PDXDC1: variants seen among roughly 807,000 people sequenced by gnomAD.
PDXDC1 encodes the protein pyridoxal dependent decarboxylase domain containing 1.
PDXDC1 carries 42 observed loss-of-function variants against 100.1 expected under a neutral mutation model. The ratio of observed to expected loss-of-function variants is 0.42; its 90% CI spans 0.33 to 0.54. The LOEUF is 0.54. PDXDC1 is among the 20% of genes least tolerant of loss of function. The pLI is 0.10. For missense variants in PDXDC1, 636 were observed against 979.2 expected (o/e 0.65, Z 4.68); for synonymous variants, 260 against 371.7 (o/e 0.70, Z 3.46).
At chr16:15,127,549 G>A (rs548957239) in intron 16 of PDXDC1, 13 of 1,316,948 alleles carry the variant, frequency 9.9e-6, no homozygotes, top group Non-Finnish European at 1.3e-5. Flanking sequence ...CAGGCCAACA[G>A]CGACTGTGTC....
intron 1 of PDXDC1, among the ~76,000 whole-genome samples, chr16:14,986,536 A>C (rs1232629777): frequency 6.6e-6 from 1 of 152,296 alleles, no homozygotes; most frequent in Non-Finnish European, 1.5e-5. Flanking sequence ...AGGAGAATTA[A>C]ATCATACCTA....
intron 16 of PDXDC1, chr16:15,076,326 G>C (rs904330370): frequency 1.2e-5 from 7 of 597,070 alleles, no homozygotes; most frequent in East Asian, 2.7e-5. Context: ...AAAGTTACAA[G>C]AACAAAAGTG....
At chr16:15,047,694 C>T in intron 16 of PDXDC1, 1 of 893,118 alleles carries the variant, frequency 1.1e-6, no homozygotes, top group Non-Finnish European at 1.9e-6. Flanking sequence ...CCCCAGCCAA[C>T]CCATTCTGAC....
intron 16 of PDXDC1, chr16:15,093,803 C>G: frequency 8.5e-6 from 3 of 354,160 alleles, no homozygotes; most frequent in Non-Finnish European, 1.5e-5. Flanking sequence ...CGGCTGATAA[C>G]CCACATAGCC....
At chr16:15,110,098 T>C (rs548127448) in intron 16 of PDXDC1, among the ~76,000 whole-genome samples, 1 of 149,280 alleles carries the variant, frequency 6.7e-6, no homozygotes, top group Admixed American at 6.7e-5. Context: ...TGAGCTGAGA[T>C]TGTGCCATTG....
At chr16:15,059,959 A>G (rs1451085750) in intron 16 of PDXDC1, 4 of 186,192 alleles carry the variant, frequency 2.1e-5, no homozygotes, top group Non-Finnish European at 3.4e-5. Context: ...GCAATGCCTC[A>G]GGAGTTTTCC....
At chr16:15,063,704 CAAAAAAAAAA>C (rs10664930) in intron 16 of PDXDC1, among the ~76,000 whole-genome samples, 1 of 89,130 alleles carries the variant, frequency 1.1e-5, no homozygotes, top group African/African-American at 5.1e-5. Context: ...GACTCTGTCT[CAAAAAAAAAA>C]AAAAAAAAGA....
chr16:14,991,153 A>C (rs1970693112), intron 1 of PDXDC1, among the ~76,000 whole-genome samples: 2 of 152,268 alleles, frequency 1.3e-5, no homozygotes, highest in Admixed American at 1.3e-4. Flanking sequence ...CCTGCCTTTC[A>C]GTTTAAGCAT....
At chr16:15,073,416 G>A (rs1259239705) in intron 16 of PDXDC1, among the ~76,000 whole-genome samples, 3 of 152,018 alleles carry the variant, frequency 2.0e-5, no homozygotes, top group African/African-American at 4.8e-5. Flanking sequence ...ATGTTTGTGC[G>A]ACTGCATTCC....
intron 5 of PDXDC1, among the ~76,000 whole-genome samples, chr16:15,005,396 T>G (rs1269266460): frequency 1.3e-5 from 2 of 152,250 alleles, no homozygotes; most frequent in Non-Finnish European, 2.9e-5. Context: ...ATCCTGGCAG[T>G]ACTAAGGAAT....
At chr16:15,136,826 G>C (rs2048360129) in intron 16 of PDXDC1, 1 of 1,032,000 alleles carries the variant, frequency 9.7e-7, no homozygotes, top group Non-Finnish European at 1.5e-6. Flanking sequence ...TGCCCCATCT[G>C]GATGGCCCTG....
chr16:15,063,091 A>C lies in PDXDC1; in HGVS notation c.1399+33035A>C, dbSNP rs2911232. 5.8e-6 allele frequency: 5 copies of C among 861,320 alleles called. No individual in the cohort carries two copies. The East Asian group carries it at 1.2e-4, about 21-fold the overall frequency. 53.4% of individuals were successfully genotyped at this position (861,320 alleles called of 1,614,324 possible). On this transcript the variant is annotated intron_variant, in intron 16 of 16. Transcript: ENST00000535621. ...GCAATCCTCTGGCCTTGACCCCCTA[A>C]AGTGCGGGGATTACACGCACGAACG...
chr16:15,133,723 G>C, intron 16 of PDXDC1: 1 of 1,603,524 alleles, frequency 6.2e-7, no homozygotes, highest in Admixed American at 1.7e-5. Flanking sequence ...GGTCCCCATG[G>C]CATCACGGGA....
chr16:15,111,457 A>AAAG (rs1327006041), intron 16 of PDXDC1, among the ~76,000 whole-genome samples: 4 of 12,976 alleles, frequency 3.1e-4, no homozygotes, highest in South Asian at 3.9e-3. Flanking sequence ...ACTCTGTCTC[A>AAAG]AAAAAAAAAA....
chr16:15,133,130 T>C, intron 16 of PDXDC1: 8 of 673,748 alleles, frequency 1.2e-5, no homozygotes, highest in Non-Finnish European at 2.1e-5. Context: ...AACGTCGGGG[T>C]GCTGCTTCAG....
At position 15,098,052 on chromosome 16, in the gene PDXDC1, T is replaced by C. The variant is rs139045176; in HGVS notation, c.1400-40827T>C. The stretch of plus-strand genomic sequence containing the variant: ...TCGGCCTCCCAAAATGCTGAGATTA[T>C]AGGCATGAGCCACCGCGACCAGCCT... On this transcript the variant is annotated intron_variant, in intron 16 of 16. Coordinates refer to the PDXDC1 transcript ENST00000535621. Among the ~76,000 whole-genome samples, 1,227 of 148,046 alleles carry C rather than the reference T, an allele frequency of 8.3e-3. 16 individuals carry two copies. The highest frequency in any genetic ancestry group is 0.028 in the African/African-American group (1,115 of 40,420).
intron 16 of PDXDC1, among the ~76,000 whole-genome samples, chr16:15,090,618 T>C (rs2046091991): frequency 6.6e-6 from 1 of 152,208 alleles, no homozygotes; most frequent in Non-Finnish European, 1.5e-5. Flanking sequence ...CACTCCATAT[T>C]TTTTAAATCT....
downstream of PDXDC1, chr16:15,038,579 G>A: frequency 6.5e-7 from 1 of 1,537,638 alleles, no homozygotes; most frequent in Non-Finnish European, 9.0e-7. Context: ...CTCACCTCTA[G>A]TATTTGCTTG....
chr16:15,041,676 C>T (rs1252262593), downstream of PDXDC1: 10 of 1,606,706 alleles, frequency 6.2e-6, no homozygotes, highest in Admixed American at 8.3e-5. Flanking sequence ...GTCAAATTCA[C>T]CTATGATGAG....
Sources: allele counts gnomAD v4.1 joint callset (sites outside exome capture counted in the v4.1 genomes callset), GRCh38; gene constraint gnomAD v4.1.1; transcripts MANE v1.5; gene names NCBI Gene and HGNC (gene_info 2026-07-23, HGNC 2026-07-21).